TENM4: variants seen among roughly 807,000 people sequenced by gnomAD.
The protein encoded by TENM4 is teneurin transmembrane protein 4.
In TENM4, 82 loss-of-function variants were observed where a neutral mutation model predicts 243.3. The ratio of observed to expected loss-of-function variants is 0.34; its 90% confidence interval spans 0.28 to 0.40. The LOEUF is 0.40. Ranked by LOEUF, TENM4 falls within the 10% of genes least tolerant of loss-of-function variation. The pLI is 1.00. For synonymous variants in TENM4, 1,412 were observed against 1,456.3 expected (o/e 0.97, Z 0.69); for missense variants, 3,138 against 3,673.3 (o/e 0.85, Z 3.77).
intron 1 of TENM4, among the ~76,000 whole-genome samples, chr11:79,424,798 G>A (rs544606805): frequency 1.3e-5 from 2 of 152,180 alleles, no homozygotes; most frequent in African/African-American, 4.8e-5. Context: ...GCCAGGCGTG[G>A]TGGCGGACGC....
At chr11:79,259,056 G>A (rs1452222032) in intron 2 of TENM4, among the ~76,000 whole-genome samples, 6 of 152,162 alleles carry the variant, frequency 3.9e-5, no homozygotes. Flanking sequence ...AGTGCACTAG[G>A]TCACGTGCTC....
At chr11:78,964,244 T>C (rs554710411) in intron 6 of TENM4, among the ~76,000 whole-genome samples, 169 of 152,092 alleles carry the variant, frequency 1.1e-3, no homozygotes, top group African/African-American at 3.8e-3. Context: ...GGTTTCACCA[T>C]GTTGGCCAGG....
chr11:79,380,833 G>C (rs1243537750), intron 1 of TENM4, among the ~76,000 whole-genome samples: 2 of 152,214 alleles, frequency 1.3e-5, no homozygotes, highest in African/African-American at 4.8e-5. Context: ...TGGATGTGCA[G>C]ACTGGAAAAC....
chr11:78,907,692 C>T (rs1209470287), intron 6 of TENM4, among the ~76,000 whole-genome samples: 3 of 152,288 alleles, frequency 2.0e-5, no homozygotes, highest in East Asian at 3.9e-4. Context: ...GTGCCTGATG[C>T]ATGGTAGGCC....
chr11:78,701,719 G>A lies in TENM4; in HGVS notation c.4894C>T (p.Arg1632Cys), dbSNP rs368506803. ...TDNNGNMVNV[R>C]RDSTGMPLWL... is the part of the protein sequence containing the mutation. ...AGGGGCATCCCAGTAGAGTCTCGGC[G>A]GACATTTACCATGTTGCCATTGTTG... Residue 1632 changes from arginine (R) to cysteine (C), a missense_variant, in exon 28 of 34, where the codon CGC (arginine) becomes TGC (cysteine). Physicochemically the swap from Arg to Cys is radical, Grantham distance 180 (BLOSUM62 -3). This residue lies in a region of TENM4 where 2,467 missense variants were observed against 3,059.1 expected (regional missense o/e 0.81). Transcript: ENST00000278550. 2.3e-4 allele frequency: 366 copies of A among 1,613,842 alleles called. No individual in the cohort carries two copies. Among genetic ancestry groups the A allele is most frequent in the Middle Eastern group, 3.3e-4 (2 of 6,084 alleles).
chr11:79,016,414 T>C (rs1052030145), intron 6 of TENM4, among the ~76,000 whole-genome samples: 1 of 152,080 alleles, frequency 6.6e-6, no homozygotes, highest in African/African-American at 2.4e-5. Flanking sequence ...GGCGAGTGGG[T>C]AGATCACTCC....
In TENM4 at chr11:78,654,533, A is replaced by C. The variant is rs914700261; in HGVS notation, c.*3525T>G. ...TCTGATTCTTTGTTCTGTGTCTACA[A>C]AACACTGCCCAGTCTGCCTTGCCAT... On this transcript the variant is annotated 3_prime_UTR_variant, in exon 34 of 34. Coordinates refer to ENST00000278550, the MANE Select transcript of TENM4 (RefSeq NM_001098816.3). 1 of 152,182 alleles carries C rather than the reference A, an allele frequency of 6.6e-6. No homozygotes were observed. The highest frequency in any genetic ancestry group is 2.4e-5 in the African/African-American group (1 of 41,434). The allele number at this position is 152,182 out of a possible 1,614,324, so 9.4% of individuals were successfully genotyped here.
At chr11:78,820,794 T>G (rs1857709326) in intron 12 of TENM4, among the ~76,000 whole-genome samples, 1 of 152,158 alleles carries the variant, frequency 6.6e-6, no homozygotes, top group Non-Finnish European at 1.5e-5. Context: ...TTGAGTAAAT[T>G]TTCTCCTGGG....
intron 1 of TENM4, among the ~76,000 whole-genome samples, chr11:79,432,422 G>A (rs911323644): frequency 1.3e-5 from 2 of 152,218 alleles, no homozygotes; most frequent in African/African-American, 2.4e-5. Flanking sequence ...TCATCCTGAG[G>A]TCAAAGCAGA....
chr11:78,834,646 G>A (rs1196791988), intron 12 of TENM4, among the ~76,000 whole-genome samples: 2 of 152,172 alleles, frequency 1.3e-5, no homozygotes, highest in Non-Finnish European at 2.9e-5. Context: ...GATCTAGAAT[G>A]TCATTTTCAA....
intron 4 of TENM4, among the ~76,000 whole-genome samples, chr11:79,094,467 G>C (rs917356456): frequency 2.0e-5 from 3 of 152,114 alleles, no homozygotes; most frequent in African/African-American, 7.2e-5. Context: ...GCCCATATTC[G>C]TCTACCATGC....
intron 4 of TENM4, among the ~76,000 whole-genome samples, chr11:79,105,104 G>A (rs1413881441): frequency 6.6e-6 from 1 of 152,114 alleles, no homozygotes; most frequent in Non-Finnish European, 1.5e-5. Flanking sequence ...ACTCAATATA[G>A]CACAGGTGTG....
chr11:78,852,552 G>A (rs1342789643), intron 12 of TENM4, among the ~76,000 whole-genome samples: 1 of 152,138 alleles, frequency 6.6e-6, no homozygotes, highest in African/African-American at 2.4e-5. Flanking sequence ...GCATGGTGGT[G>A]TGTGCCTGTG....
rs890782215 is a variant in TENM4, at chr11:79,351,910, C to T, written c.-320-54367G>A. On this transcript the variant is annotated intron_variant, in intron 1 of 33. Transcript: ENST00000278550. Reference sequence around the variant, plus strand: ...TTGGAGCCAAGGAGGTGAAGAGCCCCGTGCTGGGTGCCATGGAAACAAATG... The same window carrying T: ...TTGGAGCCAAGGAGGTGAAGAGCCCTGTGCTGGGTGCCATGGAAACAAATG... Among the ~76,000 whole-genome samples the T allele has an allele frequency of 1.1e-4, 17 of 152,156 alleles. No homozygotes were observed. In the South Asian group the frequency reaches 2.5e-3, roughly 22 times the overall value.
chr11:78,934,730 C>T (rs898609703), intron 6 of TENM4, among the ~76,000 whole-genome samples: 2 of 152,112 alleles, frequency 1.3e-5, no homozygotes, highest in African/African-American at 4.8e-5. Context: ...ATAAAGTAGG[C>T]GGTGGGAGAT....
chr11:78,775,510 C>G (rs548673343), intron 17 of TENM4, among the ~76,000 whole-genome samples: 13 of 152,310 alleles, frequency 8.5e-5, no homozygotes, highest in African/African-American at 2.9e-4. Flanking sequence ...TCTGCAGTAT[C>G]CTATAAGTTT....
intron 6 of TENM4, among the ~76,000 whole-genome samples, chr11:78,937,635 G>A (rs1042516241): frequency 4.6e-5 from 7 of 152,138 alleles, no homozygotes; most frequent in African/African-American, 1.7e-4. Context: ...TCTTGCACTA[G>A]GCCCAACAGA....
intron 30 of TENM4, 73 bp downstream of exon 30, chr11:78,676,079 A>G (rs1858460818): frequency 6.6e-6 from 9 of 1,359,334 alleles, no homozygotes; most frequent in Non-Finnish European, 8.7e-6. Flanking sequence ...GGGAATTTCA[A>G]GAACAGAGCC....
In TENM4 at chr11:79,115,594, C is replaced by T. The variant is rs113504579; in HGVS notation, c.-66+33116G>A. On this transcript the variant is annotated intron_variant, in intron 4 of 33. Coordinates refer to ENST00000278550, the MANE Select transcript of TENM4 (RefSeq NM_001098816.3). The stretch of plus-strand genomic sequence containing the variant: ...CCTGACCTCTTTCTTGAGCTCCAGA[C>T]GTGAGTATCCAACTGTCTTTATTCC... Among the ~76,000 whole-genome samples the T allele has an allele frequency of 4.0e-3, 603 of 152,278 alleles. 5 individuals carry two copies. Among genetic ancestry groups the T allele is most frequent in the African/African-American group, 0.014 (567 of 41,550 alleles).
Sources: allele counts gnomAD v4.1 joint callset (sites outside exome capture counted in the v4.1 genomes callset), GRCh38; gene constraint gnomAD v4.1.1; regional missense constraint gnomAD v4.1.1; transcripts MANE v1.5; gene names NCBI Gene and HGNC (gene_info 2026-07-23, HGNC 2026-07-21).